The following SYNE3 variants were observed in gnomAD, a reference collection of about 807,000 sequenced individuals.
SYNE3 encodes the protein spectrin repeat containing nuclear envelope family member 3, also known as nesprin-3.
A neutral mutation model predicts 111.2 loss-of-function variants in SYNE3; 100 were observed. That is an observed-to-expected ratio of 0.90 (90% CI 0.77 to 1.06). The LOEUF (loss-of-function observed/expected upper bound fraction) is 1.06, where lower values mean the gene tolerates loss of function less well. SYNE3 is among the 50% of genes least tolerant of loss of function. The probability of loss-of-function intolerance (pLI) is 0.00; values close to 1 mark genes in which losing one functional copy is unlikely to be tolerated. For missense variants in SYNE3, 1,160 were observed against 1,240.3 expected, an observed-to-expected ratio of 0.94 and a Z score of 0.97; for synonymous variants, 547 against 533.9, an observed-to-expected ratio of 1.02 and a Z score of -0.34.
chr14:95,502,642 G>A (rs1026036659), intron 1 of SYNE3, among the ~76,000 whole-genome samples: 1 of 152,068 alleles, frequency 6.6e-6, no homozygotes, highest in African/African-American at 2.4e-5. Context: ...AACTAATTAC[G>A]ACACCACCAT....
Position 95,492,998 on chromosome 14 carries a change from T to C in SYNE3, c.-14-17163A>G, listed in dbSNP as rs1282294837. On this transcript the variant is annotated intron_variant, in intron 1 of 17. Coordinates refer to ENST00000682763, the MANE Select transcript of SYNE3 (RefSeq NM_152592.6). ...CTGACCTAATCTAATCAACCATCTC[T>C]GCTTGAATTTCCTTAAAAATACACC... is the stretch of plus-strand genomic sequence containing the variant. Among the ~76,000 whole-genome samples the C allele has an allele frequency of 2.6e-5, 4 of 152,178 alleles. No individual in the cohort carries two copies. The East Asian group carries it at 7.7e-4, about 29-fold the overall frequency.
At chr14:95,438,078 G>GTTGA (rs753980874) in intron 14 of SYNE3, 10 of 152,190 alleles carry the variant, frequency 6.6e-5, no homozygotes, top group African/African-American at 2.4e-4. Flanking sequence ...ATTATTTTTT[G>GTTGA]TTGATTGATT....
intron 1 of SYNE3, among the ~76,000 whole-genome samples, chr14:95,502,630 G>T (rs1242408276): frequency 2.0e-5 from 3 of 152,164 alleles, no homozygotes; most frequent in African/African-American, 7.2e-5. Flanking sequence ...GAAGCAACAA[G>T]CAACTAATTA....
chr14:95,465,940 G>C lies in SYNE3; in HGVS notation c.618C>G (p.Ala206=), dbSNP rs369800102. ...TCAGCCTCACCCTCACCTGGGCCTT[G>C]GCCTTCACTGCATCGTACTCAGCCT... ...RMKAEYDAVK[A]KAQKRVDLLE... is the part of the protein sequence containing the mutation. Residue 206 remains alanine (A), a synonymous_variant, in exon 4 of 18, where the codon GCC becomes GCG. Transcript: ENST00000682763. 3.8e-6 allele frequency: 6 copies of C among 1,575,698 alleles called. No individual in the cohort carries two copies. Among genetic ancestry groups the C allele is most frequent in the Middle Eastern group, 1.7e-4 (1 of 5,876 alleles).
chr14:95,441,025 TC>T (rs1409449107), intron 11 of SYNE3, among the ~76,000 whole-genome samples: 2 of 152,222 alleles, frequency 1.3e-5, no homozygotes, highest in Non-Finnish European at 2.9e-5. Flanking sequence ...GCAGCCATTC[TC>T]TATGCCTCTG....
intron 1 of SYNE3, among the ~76,000 whole-genome samples, chr14:95,497,552 C>T (rs1890145713): frequency 6.6e-6 from 1 of 152,156 alleles, no homozygotes; most frequent in African/African-American, 2.4e-5. Context: ...AAATTAACAC[C>T]CTAGAATAAT....
chr14:95,470,986 A>C lies in SYNE3; in HGVS notation c.145-3019T>G, dbSNP rs1224414729. Among the ~76,000 whole-genome samples, 1 of 142,842 alleles carries C rather than the reference A, an allele frequency of 7.0e-6. No homozygotes were observed. Among genetic ancestry groups the C allele is most frequent in the African/African-American group, 2.6e-5 (1 of 39,004 alleles). The allele number at this position is 142,842 out of a possible 152,430, so 93.7% of individuals were successfully genotyped here. ...CAGAGCAACACGCCGTCTCAGGAAA[A>C]AAAAAAAAAGAAAGTAAGATGATAT... On this transcript the variant is annotated intron_variant, in intron 2 of 17. Coordinates refer to ENST00000682763, the MANE Select transcript of SYNE3 (RefSeq NM_152592.6). The surrounding 1 kb of genome is among the most constrained non-coding windows in gnomAD (Gnocchi z 4.2).
intron 8 of SYNE3, among the ~76,000 whole-genome samples, chr14:95,449,226 C>G (rs1215347821): frequency 6.6e-6 from 1 of 152,282 alleles, no homozygotes; most frequent in East Asian, 1.9e-4. Context: ...TGCTCAGTTC[C>G]GAGGCACTGA....
chr14:95,474,170 A>G (rs796305073), intron 2 of SYNE3, among the ~76,000 whole-genome samples: 2 of 152,272 alleles, frequency 1.3e-5, no homozygotes, highest in African/African-American at 4.8e-5. Context: ...TGATCTTGGG[A>G]GGTGTGACAG....
chr14:95,464,364 T>G (rs1888028688), intron 4 of SYNE3, among the ~76,000 whole-genome samples: 1 of 152,052 alleles, frequency 6.6e-6, no homozygotes, highest in Non-Finnish European at 1.5e-5. Flanking sequence ...GAGTAAGAAG[T>G]GAGACTTTGG....
At chr14:95,418,608 CT>C (rs1160680188) in intron 17 of SYNE3, among the ~76,000 whole-genome samples, 2 of 150,164 alleles carry the variant, frequency 1.3e-5, no homozygotes, top group African/African-American at 2.5e-5. Flanking sequence ...TTCTTTCTTT[CT>C]TTTTTTTCCT....
chr14:95,437,220 C>T (rs1886138486), intron 14 of SYNE3, among the ~76,000 whole-genome samples: 1 of 152,250 alleles, frequency 6.6e-6, no homozygotes, highest in Admixed American at 6.5e-5. Flanking sequence ...CCACCACCAT[C>T]TCTTACCAGG....
At chr14:95,480,699 A>G (rs1889187277) in intron 1 of SYNE3, among the ~76,000 whole-genome samples, 1 of 152,246 alleles carries the variant, frequency 6.6e-6, no homozygotes, top group Non-Finnish European at 1.5e-5. Flanking sequence ...GCTTTGAAGA[A>G]GCTGAAATAT....
intron 2 of SYNE3, among the ~76,000 whole-genome samples, chr14:95,468,660 C>G (rs1388476001): frequency 6.6e-6 from 1 of 152,242 alleles, no homozygotes. Context: ...CCTCCCTGCT[C>G]TTCTGGCCTT....
intron 1 of SYNE3, among the ~76,000 whole-genome samples, chr14:95,499,537 T>C (rs1441782033): frequency 6.6e-6 from 1 of 152,124 alleles, no homozygotes; most frequent in East Asian, 1.9e-4. Flanking sequence ...CCTTCCAGGA[T>C]TTTTCATAGT....
intron 1 of SYNE3, among the ~76,000 whole-genome samples, chr14:95,510,794 A>G (rs1028406313): frequency 3.3e-5 from 5 of 152,190 alleles, no homozygotes; most frequent in African/African-American, 1.2e-4. Context: ...TCTCAAAAAA[A>G]AAAAAGTGCA....
intron 1 of SYNE3, among the ~76,000 whole-genome samples, chr14:95,514,422 A>G (rs946842446): frequency 6.6e-5 from 10 of 152,202 alleles, no homozygotes; most frequent in African/African-American, 2.4e-4. Context: ...CCATTGACAG[A>G]CAAGGGGAAA....
At chr14:95,427,457 C>T (rs536677952) in intron 17 of SYNE3, among the ~76,000 whole-genome samples, 1 of 152,310 alleles carries the variant, frequency 6.6e-6, no homozygotes, top group East Asian at 1.9e-4. Flanking sequence ...CGCTCCTAGT[C>T]CACTTTGATG....
rs748587924 is a variant in SYNE3 at position 95,433,396 on chromosome 14, CGA to C, written c.2550_2551del (p.Arg851GlyfsTer9). On this transcript the variant is annotated frameshift_variant, in exon 16 of 18. Transcript: ENST00000682763. LOFTEE classifies it high-confidence loss of function. ...AAAGAGATGCTGACCTTCTGGCACC[CGA>C]GCCTCCAGCTCCTGGGGGAAACAGC... The C allele has an allele frequency of 6.2e-7, 1 of 1,614,038 alleles. No individual in the cohort carries two copies. Among genetic ancestry groups the C allele is most frequent in the Non-Finnish European group, 8.5e-7 (1 of 1,179,928 alleles).
Sources: allele counts gnomAD v4.1 joint callset (sites outside exome capture counted in the v4.1 genomes callset), GRCh38; gene constraint gnomAD v4.1.1; non-coding constraint Gnocchi (gnomAD v3.1); transcripts MANE v1.5; gene names NCBI Gene and HGNC (gene_info 2026-07-23, HGNC 2026-07-21).